The following MBD3L2B variants were observed in gnomAD, a reference collection of about 807,000 sequenced individuals.
MBD3L2B encodes methyl-CpG-binding domain protein 3-like 2B.
For missense variants in MBD3L2B, 127 were observed against 78.7 expected (o/e 1.61, Z -2.32); for synonymous variants, 50 against 31.6 (o/e 1.58, Z -1.95).
Position 7,019,348 on chromosome 19 carries a change from G to C in MBD3L2B, c.428C>G (p.Pro143Arg), listed in dbSNP as rs1316958367. 1 of 679,580 alleles carries C rather than the reference G, an allele frequency of 1.5e-6. No individual in the cohort carries two copies. Among genetic ancestry groups the C allele is most frequent in the African/African-American group, 1.9e-5 (1 of 52,422 alleles). The allele number at this position is 679,580 out of a possible 1,614,324, so 42.1% of individuals were successfully genotyped here. The stretch of plus-strand genomic sequence containing the variant: ...CCCTGCCACAGCTGGAAACCGCCCA[G>C]GGGTGGGCTCAAGCGGGCTGCGCAC... The part of the protein sequence containing the change: ...ERVRSPLEPT[P>R]GRFPAVAGGP... Residue 143 changes from proline to arginine, a missense_variant, in exon 2 of 2, where the codon CCT (proline) becomes CGT (arginine). Pro to Arg is a moderately radical substitution (Grantham distance 103, BLOSUM62 -2). Coordinates refer to ENST00000636986, the MANE Select transcript of MBD3L2B (RefSeq NM_001364674.2).
At position 7,019,104 on chromosome 19, in the gene MBD3L2B, G is replaced by A. The variant is rs535191538; in HGVS notation, c.*57C>T. 4.0e-5 allele frequency: 29 copies of A among 717,860 alleles called. No individual in the cohort carries two copies. The South Asian group carries it at 4.3e-4, about 11-fold the overall frequency. 44.5% of individuals were successfully genotyped at this position (717,860 alleles called of 1,614,324 possible). A position where few individuals can be genotyped will look rare whatever the true frequency, so the allele number is the denominator to read the frequency against. On this transcript the variant is annotated 3_prime_UTR_variant, in exon 2 of 2. Coordinates refer to ENST00000636986, the MANE Select transcript of MBD3L2B (RefSeq NM_001364674.2). ...GTCCCCACTGACTCACCCCCCAACT[G>A]CGGGGCCACACCCCACAGCTTCTCA...
Position 7,019,300 on chromosome 19 carries a change from C to A in MBD3L2B, c.476G>T (p.Cys159Phe). 1 of 698,096 alleles carries A rather than the reference C, an allele frequency of 1.4e-6. No individual in the cohort carries two copies. Among genetic ancestry groups the A allele is most frequent in the South Asian group, 1.5e-5 (1 of 66,944 alleles). 43.2% of individuals were successfully genotyped at this position (698,096 alleles called of 1,614,324 possible). ...GCCAGAGAGGGGCGGTGGGAGCTGACAACCCATTCCTGGGGTTGGCCCCCC... is the reference window on the plus strand; with the variant it reads ...GCCAGAGAGGGGCGGTGGGAGCTGAAAACCCATTCCTGGGGTTGGCCCCCC... ...VAGGPTPGMG[C>F]QLPPPLSGQL... Residue 159 changes from cysteine (C) to phenylalanine (F), a missense_variant, in exon 2 of 2, where the codon TGT (cysteine) becomes TTT (phenylalanine). Coordinates refer to ENST00000636986, the MANE Select transcript of MBD3L2B (RefSeq NM_001364674.2).
chr19:7,019,321 C>T lies in MBD3L2B; in HGVS notation c.455G>A (p.Gly152Glu), dbSNP rs1466114214. ...TPGRFPAVAGGPTPGMGCQLP... is the reference protein window; with the variant it reads ...TPGRFPAVAGEPTPGMGCQLP... ...CTGACAACCCATTCCTGGGGTTGGC[C>T]CCCCTGCCACAGCTGGAAACCGCCC... is the stretch of plus-strand genomic sequence containing the variant. The change falls in exon 2 of 2, where the codon GGG becomes GAG. Residue 152 changes from glycine to glutamate, a missense_variant. Coordinates refer to ENST00000636986, the MANE Select transcript of MBD3L2B (RefSeq NM_001364674.2). The T allele has an allele frequency of 2.8e-5, 19 of 688,076 alleles. No homozygotes were observed. The African/African-American group carries it at 3.6e-4, about 13-fold the overall frequency. The allele number at this position is 688,076 out of a possible 1,614,324, so 42.6% of individuals were successfully genotyped here.
Position 7,019,083 on chromosome 19 carries a change from C to A in MBD3L2B, c.*78G>T. On this transcript the variant is annotated 3_prime_UTR_variant, in exon 2 of 2. Transcript: ENST00000636986. ...AGGGATTCAAAACCCAGGACTGTCCCCACTGACTCACCCCCCAACTGCGGG... is the reference window on the plus strand; with the variant it reads ...AGGGATTCAAAACCCAGGACTGTCCACACTGACTCACCCCCCAACTGCGGG... The A allele has an allele frequency of 1.4e-6, 1 of 716,484 alleles. No homozygotes were observed. The highest frequency in any genetic ancestry group is 2.6e-6 in the Non-Finnish European group (1 of 384,546). The allele number at this position is 716,484 out of a possible 1,614,324, so 44.4% of individuals were successfully genotyped here.
In MBD3L2B at chr19:7,019,136, C is replaced by G. The variant is rs573343994; in HGVS notation, c.*25G>C. The G allele has an allele frequency of 4.2e-6, 3 of 718,624 alleles. No individual in the cohort carries two copies. Among genetic ancestry groups the G allele is most frequent in the Non-Finnish European group, 7.8e-6 (3 of 385,174 alleles). 44.5% of individuals were successfully genotyped at this position (718,624 alleles called of 1,614,324 possible). On this transcript the variant is annotated 3_prime_UTR_variant, in exon 2 of 2. Coordinates refer to ENST00000636986, the MANE Select transcript of MBD3L2B (RefSeq NM_001364674.2). ...CACACCCCACAGCTTCTCAGCACCC[C>G]CTCCTCCTGCACTTCATCCACCTGT...
At position 7,019,345 on chromosome 19, in the gene MBD3L2B, C is replaced by T. The variant is rs1289656592; in HGVS notation, c.431G>A (p.Gly144Glu). 3 of 680,564 alleles carry T rather than the reference C, an allele frequency of 4.4e-6. No individual in the cohort carries two copies. The allele number at this position is 680,564 out of a possible 1,614,324, so 42.2% of individuals were successfully genotyped here. A position where few individuals can be genotyped will look rare whatever the true frequency, so the allele number is the denominator to read the frequency against. Reference sequence around the variant, plus strand: ...CCCCCCTGCCACAGCTGGAAACCGCCCAGGGGTGGGCTCAAGCGGGCTGCG... The same window carrying T: ...CCCCCCTGCCACAGCTGGAAACCGCTCAGGGGTGGGCTCAAGCGGGCTGCG... ...RVRSPLEPTP[G>E]RFPAVAGGPT... Residue 144 changes from glycine to glutamate, a missense_variant, in exon 2 of 2, where the codon GGG becomes GAG. By Grantham distance (98) the Gly-to-Glu change is moderately conservative. Coordinates refer to ENST00000636986, the MANE Select transcript of MBD3L2B (RefSeq NM_001364674.2).
rs1379100785 is a variant in MBD3L2B, at chr19:7,019,173, C to G, written c.603G>C (p.Arg201=). ...CTTCATCCACCTGTCACATTTCTGCCCGCCTGGCCAGCCTGTCTGCCTGCA... is the reference window on the plus strand; with the variant it reads ...CTTCATCCACCTGTCACATTTCTGCGCGCCTGGCCAGCCTGTCTGCCTGCA... ...KALQADRLAR[R]AEM Residue 201 remains arginine (R), a synonymous_variant, in exon 2 of 2, where the codon CGG becomes CGC. Coordinates refer to ENST00000636986, the MANE Select transcript of MBD3L2B (RefSeq NM_001364674.2). The G allele has an allele frequency of 4.2e-6, 3 of 719,118 alleles. No homozygotes were observed. The highest frequency in any genetic ancestry group is 7.8e-6 in the Non-Finnish European group (3 of 385,430). The allele number at this position is 719,118 out of a possible 1,614,324, so 44.5% of individuals were successfully genotyped here.
chr19:7,019,093 A>AC lies in MBD3L2B; in HGVS notation c.*67dup, dbSNP rs34247386. 9.6e-5 allele frequency: 69 copies of AC among 716,780 alleles called. No individual in the cohort carries two copies. The African/African-American group carries it at 1.2e-3, about 12-fold the overall frequency. 44.4% of individuals were successfully genotyped at this position (716,780 alleles called of 1,614,324 possible). A position where few individuals can be genotyped will look rare whatever the true frequency, so the allele number is the denominator to read the frequency against. On this transcript the variant is annotated 3_prime_UTR_variant, in exon 2 of 2. Coordinates refer to ENST00000636986, the MANE Select transcript of MBD3L2B (RefSeq NM_001364674.2). ...AACCCAGGACTGTCCCCACTGACTC[A>AC]CCCCCCAACTGCGGGGCCACACCCC...
rs1314870898 is a variant in MBD3L2B, at chr19:7,019,356, C to T, written c.420G>A (p.Glu140=). The change falls in exon 2 of 2, where the codon GAG becomes GAA. Residue 140 remains glutamate (E), a synonymous_variant. Coordinates refer to ENST00000636986, the MANE Select transcript of MBD3L2B (RefSeq NM_001364674.2). ...CAGCTGGAAACCGCCCAGGGGTGGGCTCAAGCGGGCTGCGCACACGCTCAG... is the reference window on the plus strand; with the variant it reads ...CAGCTGGAAACCGCCCAGGGGTGGGTTCAAGCGGGCTGCGCACACGCTCAG... ...AGAERVRSPL[E]PTPGRFPAVA... 4.5e-6 allele frequency: 3 copies of T among 673,592 alleles called. No homozygotes were observed. The highest frequency in any genetic ancestry group is 4.2e-5 in the Admixed American group (2 of 47,688). The allele number at this position is 673,592 out of a possible 1,614,324, so 41.7% of individuals were successfully genotyped here. A position where few individuals can be genotyped will look rare whatever the true frequency, so the allele number is the denominator to read the frequency against.
At position 7,019,133 on chromosome 19, in the gene MBD3L2B, C is replaced by T. The variant is rs1156660057; in HGVS notation, c.*28G>A. ...GGCCACACCCCACAGCTTCTCAGCA[C>T]CCCCTCCTCCTGCACTTCATCCACC... On this transcript the variant is annotated 3_prime_UTR_variant, in exon 2 of 2. Coordinates refer to ENST00000636986, the MANE Select transcript of MBD3L2B (RefSeq NM_001364674.2). 2.8e-6 allele frequency: 2 copies of T among 718,422 alleles called. No individual in the cohort carries two copies. The highest frequency in any genetic ancestry group is 2.7e-5 in the East Asian group (1 of 37,292). The allele number at this position is 718,422 out of a possible 1,614,324, so 44.5% of individuals were successfully genotyped here. A position where few individuals can be genotyped will look rare whatever the true frequency, so the allele number is the denominator to read the frequency against.
rs1391273764 is a variant in MBD3L2B at position 7,019,189 on chromosome 19, T to C, written c.587A>G (p.Asp196Gly). Residue 196 changes from aspartate to glycine, a missense_variant, in exon 2 of 2, where the codon GAC becomes GGC. Physicochemically the swap from Asp to Gly is moderately conservative, Grantham distance 94. Transcript: ENST00000636986. ...CATTTCTGCCCGCCTGGCCAGCCTG[T>C]CTGCCTGCAAGGCCTTGGCCAGTCT... The part of the protein sequence containing the change: ...RERLAKALQA[D>G]RLARRAEM The C allele has an allele frequency of 1.4e-6, 1 of 718,978 alleles. No homozygotes were observed. Among genetic ancestry groups the C allele is most frequent in the South Asian group, 1.5e-5 (1 of 67,634 alleles). 44.5% of individuals were successfully genotyped at this position (718,978 alleles called of 1,614,324 possible).
In MBD3L2B at chr19:7,019,072, C is replaced by G. The variant is rs994359352; in HGVS notation, c.*89G>C. The G allele has an allele frequency of 9.5e-5, 68 of 714,414 alleles. No homozygotes were observed. The highest frequency in any genetic ancestry group is 1.6e-4 in the Non-Finnish European group (63 of 384,044). 44.3% of individuals were successfully genotyped at this position (714,414 alleles called of 1,614,324 possible). On this transcript the variant is annotated 3_prime_UTR_variant, in exon 2 of 2. Transcript: ENST00000636986. ...CATTAAAAGATAGGGATTCAAAACC[C>G]AGGACTGTCCCCACTGACTCACCCC... is the stretch of plus-strand genomic sequence containing the variant.
chr19:7,019,250 G>A lies in MBD3L2B; in HGVS notation c.526C>T (p.Arg176Trp), dbSNP rs1166639590. The A allele has an allele frequency of 7.0e-6, 5 of 715,846 alleles. No individual in the cohort carries two copies. Among genetic ancestry groups the A allele is most frequent in the South Asian group, 1.5e-5 (1 of 67,450 alleles). The allele number at this position is 715,846 out of a possible 1,614,324, so 44.3% of individuals were successfully genotyped here. A position where few individuals can be genotyped will look rare whatever the true frequency, so the allele number is the denominator to read the frequency against. ...TTCTTCACCCTCCTGGCCTGTCTCC[G>A]GATATCTGCAGGAGTCACCAATTGG... ...SGQLVTPADIRRQARRVKKAR... is the reference protein window; with the variant it reads ...SGQLVTPADIWRQARRVKKAR... The change falls in exon 2 of 2, where the codon CGG becomes TGG. Residue 176 changes from arginine to tryptophan, a missense_variant. Physicochemically the swap from Arg to Trp is moderately radical, Grantham distance 101. Coordinates refer to ENST00000636986, the MANE Select transcript of MBD3L2B (RefSeq NM_001364674.2).
In MBD3L2B at chr19:7,019,387, G is replaced by T. The variant is rs755239758; in HGVS notation, c.389C>A (p.Ala130Asp). The change falls in exon 2 of 2, where the codon GCT (alanine) becomes GAT (aspartate). Residue 130 changes from alanine to aspartate, a missense_variant. By Grantham distance (126) the Ala-to-Asp change is moderately radical. Transcript: ENST00000636986. Reference protein sequence around the residue: ...PGTAGESLDRAGAERVRSPLE... With the variant: ...PGTAGESLDRDGAERVRSPLE... The stretch of plus-strand genomic sequence containing the variant: ...CGGGCTGCGCACACGCTCAGCACCA[G>T]CTCTGTCCAGAGATTCACCGGCCGT... The T allele has an allele frequency of 4.0e-5, 26 of 647,438 alleles. No homozygotes were observed. Among genetic ancestry groups the T allele is most frequent in the South Asian group, 9.8e-5 (6 of 61,504 alleles). 40.1% of individuals were successfully genotyped at this position (647,438 alleles called of 1,614,324 possible).
chr19:7,019,087 T>G lies in MBD3L2B; in HGVS notation c.*74A>C. On this transcript the variant is annotated 3_prime_UTR_variant, in exon 2 of 2. Transcript: ENST00000636986. Reference sequence around the variant, plus strand: ...ATTCAAAACCCAGGACTGTCCCCACTGACTCACCCCCCAACTGCGGGGCCA... The same window carrying G: ...ATTCAAAACCCAGGACTGTCCCCACGGACTCACCCCCCAACTGCGGGGCCA... 2.8e-6 allele frequency: 2 copies of G among 716,584 alleles called. No individual in the cohort carries two copies. The highest frequency in any genetic ancestry group is 5.2e-6 in the Non-Finnish European group (2 of 384,480). The allele number at this position is 716,584 out of a possible 1,614,324, so 44.4% of individuals were successfully genotyped here. A position where few individuals can be genotyped will look rare whatever the true frequency, so the allele number is the denominator to read the frequency against.
chr19:7,019,065 C>CA lies in MBD3L2B; in HGVS notation c.*95dup, dbSNP rs1216686307. On this transcript the variant is annotated 3_prime_UTR_variant, in exon 2 of 2. Coordinates refer to ENST00000636986, the MANE Select transcript of MBD3L2B (RefSeq NM_001364674.2). ...GGACGGGCATTAAAAGATAGGGATT[C>CA]AAAACCCAGGACTGTCCCCACTGAC... The CA allele has an allele frequency of 4.2e-6, 3 of 709,264 alleles. No individual in the cohort carries two copies. The highest frequency in any genetic ancestry group is 7.9e-6 in the Non-Finnish European group (3 of 381,328). The allele number at this position is 709,264 out of a possible 1,614,324, so 43.9% of individuals were successfully genotyped here. A position where few individuals can be genotyped will look rare whatever the true frequency, so the allele number is the denominator to read the frequency against.
Position 7,019,489 on chromosome 19 carries a change from A to C in MBD3L2B, c.287T>G (p.Leu96Arg). 1 of 494,204 alleles carries C rather than the reference A, an allele frequency of 2.0e-6. No homozygotes were observed. Among genetic ancestry groups the C allele is most frequent in the Non-Finnish European group, 3.4e-6 (1 of 291,334 alleles). The allele number at this position is 494,204 out of a possible 1,614,324, so 30.6% of individuals were successfully genotyped here. Residue 96 changes from leucine to arginine, a missense_variant, in exon 2 of 2, where the codon CTG becomes CGG. Coordinates refer to ENST00000636986, the MANE Select transcript of MBD3L2B (RefSeq NM_001364674.2). ...TTCTCCTTGGCTGCTGCAGGGCTGC[A>C]GGGCCTGCAGTCTCCGGTAGGCGCA... is the stretch of plus-strand genomic sequence containing the variant. Reference protein sequence around the residue: ...QLCAYRRLQALQPCSSQGEGS... With the variant: ...QLCAYRRLQARQPCSSQGEGS...
In MBD3L2B at chr19:7,019,000, G is replaced by A. The variant is rs933985891; in HGVS notation, c.*161C>T. On this transcript the variant is annotated 3_prime_UTR_variant, in exon 2 of 2. Transcript: ENST00000636986. ...TTCAAATGCTTTTAATAAAGAACTG[G>A]TGGGGAAGTACAAAGTGTGACAATT... 6.0e-6 allele frequency: 4 copies of A among 665,904 alleles called. No homozygotes were observed. Among genetic ancestry groups the A allele is most frequent in the African/African-American group, 5.3e-5 (3 of 56,288 alleles). 41.2% of individuals were successfully genotyped at this position (665,904 alleles called of 1,614,324 possible).
Position 7,019,067 on chromosome 19 carries a change from A to G in MBD3L2B, c.*94T>C. On this transcript the variant is annotated 3_prime_UTR_variant, in exon 2 of 2. Transcript: ENST00000636986. ...ACGGGCATTAAAAGATAGGGATTCAAAACCCAGGACTGTCCCCACTGACTC... is the reference window on the plus strand; with the variant it reads ...ACGGGCATTAAAAGATAGGGATTCAGAACCCAGGACTGTCCCCACTGACTC... The G allele has an allele frequency of 1.4e-6, 1 of 710,682 alleles. No individual in the cohort carries two copies. Among genetic ancestry groups the G allele is most frequent in the Non-Finnish European group, 2.6e-6 (1 of 381,702 alleles). The allele number at this position is 710,682 out of a possible 1,614,324, so 44.0% of individuals were successfully genotyped here.
Sources: allele counts gnomAD v4.1 joint callset, GRCh38; gene constraint gnomAD v4.1.1; transcripts MANE v1.5; gene names NCBI Gene and HGNC (gene_info 2026-07-23, HGNC 2026-07-21).